Variants in AFF1 observed in about 807,000 individuals in gnomAD.
AFF1 encodes ALF transcription elongation factor 1, also known as AF4/FMR2 family member 1.
In AFF1, 48 loss-of-function variants were observed where a neutral mutation model predicts 121.7. The observed-to-expected ratio is 0.39, with a 90% confidence interval of 0.31 to 0.50. AFF1 has a LOEUF of 0.50. Ranked by LOEUF, AFF1 falls within the 20% of genes least tolerant of loss-of-function variation. The probability of loss-of-function intolerance (pLI) is 0.76; values close to 1 mark genes in which losing one functional copy is unlikely to be tolerated. For synonymous variants in AFF1, 613 were observed against 563.0 expected (o/e 1.09, Z -1.26); for missense variants, 1,523 against 1,511.7 (o/e 1.01, Z -0.12).
chr4:87,013,307 T>G (rs1726986601), intron 2 of AFF1, among the ~76,000 whole-genome samples: 1 of 152,174 alleles, frequency 6.6e-6, no homozygotes, highest in Non-Finnish European at 1.5e-5. Context: ...CCCAAAGTGC[T>G]GGGATTACAG....
intron 2 of AFF1, among the ~76,000 whole-genome samples, chr4:86,997,489 G>T (rs1006465245): frequency 5.3e-5 from 8 of 152,128 alleles, no homozygotes; most frequent in Non-Finnish European, 8.8e-5. Context: ...TGGGCTGGGC[G>T]CAGTGGCTCA....
intron 6 of AFF1, 67 bp from the exon 7 acceptor site, chr4:87,091,726 A>G: frequency 4.5e-6 from 5 of 1,106,194 alleles, no homozygotes; most frequent in Non-Finnish European, 6.5e-6. Flanking sequence ...TAAAAGCTCA[A>G]CGGTTTTCTC....
chr4:86,938,791 G>T (rs1422331829), intron 1 of AFF1, among the ~76,000 whole-genome samples: 1 of 152,206 alleles, frequency 6.6e-6, no homozygotes, highest in Admixed American at 6.5e-5. Context: ...TTATAGACTT[G>T]ACACCATGAG....
chr4:86,989,833 A>G (rs1220356668), intron 2 of AFF1, among the ~76,000 whole-genome samples: 1 of 152,230 alleles, frequency 6.6e-6, no homozygotes, highest in African/African-American at 2.4e-5. Context: ...ATACCATGGA[A>G]TACTATGCAG....
chr4:87,027,469 T>C (rs1447950204), intron 2 of AFF1, among the ~76,000 whole-genome samples: 1 of 152,248 alleles, frequency 6.6e-6, no homozygotes, highest in Non-Finnish European at 1.5e-5. Flanking sequence ...GATAAATTTG[T>C]GCTTCCAAAT....
intron 2 of AFF1, among the ~76,000 whole-genome samples, chr4:86,983,941 G>T (rs1447275225): frequency 6.7e-6 from 1 of 149,712 alleles, no homozygotes; most frequent in Non-Finnish European, 1.5e-5. Context: ...GGAGGCTGAG[G>T]CAGGAGAATG....
At chr4:87,063,228 CTTT>C (rs569577993) in intron 4 of AFF1, among the ~76,000 whole-genome samples, 349 of 44,368 alleles carry the variant, frequency 7.9e-3, no homozygotes, top group Non-Finnish European at 0.011. Flanking sequence ...AGATTCACCT[CTTT>C]TTTTTTTTTT....
chr4:87,013,735 C>T (rs1224955249), intron 2 of AFF1, among the ~76,000 whole-genome samples: 1 of 147,632 alleles, frequency 6.8e-6, no homozygotes, highest in Non-Finnish European at 1.5e-5. Context: ...AAGTAAAAGG[C>T]TATTTTAGGG....
intron 2 of AFF1, chr4:86,950,076 CG>C (rs1358974847): frequency 1.2e-6 from 2 of 1,613,916 alleles, no homozygotes; most frequent in African/African-American, 2.7e-5. Context: ...GCCATCCACG[CG>C]GCGAAGCCCC....
At chr4:87,071,599 T>G (rs1162260007) in intron 4 of AFF1, among the ~76,000 whole-genome samples, 1 of 152,150 alleles carries the variant, frequency 6.6e-6, no homozygotes, top group Admixed American at 6.5e-5. Flanking sequence ...GGCTCCAGGA[T>G]TGTTCTCCCA....
At chr4:86,995,486 A>AT (rs1305906026) in intron 2 of AFF1, among the ~76,000 whole-genome samples, 1 of 151,218 alleles carries the variant, frequency 6.6e-6, no homozygotes. Flanking sequence ...TGGTTTTCGT[A>AT]TTTTTTTGGT....
chr4:87,089,368 A>C (rs1442791946), intron 5 of AFF1, among the ~76,000 whole-genome samples: 1 of 152,340 alleles, frequency 6.6e-6, no homozygotes, highest in East Asian at 1.9e-4. Context: ...TCTTTCCTTC[A>C]ACTGAGAAAA....
At chr4:86,966,224 C>T (rs1239322308) in intron 2 of AFF1, among the ~76,000 whole-genome samples, 1 of 152,142 alleles carries the variant, frequency 6.6e-6, no homozygotes, top group Non-Finnish European at 1.5e-5. Flanking sequence ...AAATGCTCAG[C>T]ACCTACTGTG....
At chr4:87,054,644 A>G (rs1269599303) in intron 4 of AFF1, among the ~76,000 whole-genome samples, 1 of 152,250 alleles carries the variant, frequency 6.6e-6, no homozygotes, top group African/African-American at 2.4e-5. Flanking sequence ...ATCTGTGTGC[A>G]GAATTCCCTG....
Position 86,983,657 on chromosome 4 carries a change from C to T in AFF1, c.38+35086C>T, listed in dbSNP as rs191458701. Among the ~76,000 whole-genome samples, 122 of 151,004 alleles carry T rather than the reference C, an allele frequency of 8.1e-4. 1 individual carries two copies. The highest frequency in any genetic ancestry group is 2.8e-3 in the African/African-American group (113 of 41,074). Reference sequence around the variant, plus strand: ...CCCGGAGGTGGAGGTTGCATTGATCCGAGATGGCGCCTCTGCACTCTAGCC... The same window carrying T: ...CCCGGAGGTGGAGGTTGCATTGATCTGAGATGGCGCCTCTGCACTCTAGCC... On this transcript the variant is annotated intron_variant, in intron 2 of 20. Transcript: ENST00000395146.
At chr4:87,016,657 C>T (rs926932991) in intron 2 of AFF1, among the ~76,000 whole-genome samples, 1 of 152,026 alleles carries the variant, frequency 6.6e-6, no homozygotes, top group Non-Finnish European at 1.5e-5. Flanking sequence ...CTGAATGGAG[C>T]GACCAGTTTT....
At chr4:87,069,816 ATTTTTTTTT>A (rs751029258) in intron 4 of AFF1, among the ~76,000 whole-genome samples, 1 of 121,306 alleles carries the variant, frequency 8.2e-6, no homozygotes, top group Non-Finnish European at 1.7e-5. Context: ...ATCACTCAGG[ATTTTTTTTT>A]TTTTTTTTTT....
At chr4:87,057,163 GA>G (rs74774826) in intron 4 of AFF1, among the ~76,000 whole-genome samples, 9,425 of 152,188 alleles carry the variant, frequency 0.062, 612 homozygotes, top group African/African-American at 0.15. Context: ...CTTAGGAAGA[GA>G]AAAGACATAG....
chr4:86,981,804 A>G (rs1474296265), intron 2 of AFF1, among the ~76,000 whole-genome samples: 2 of 152,240 alleles, frequency 1.3e-5, no homozygotes, highest in East Asian at 3.8e-4. Context: ...CACTTTATAA[A>G]TAACAGACGT....
Sources: gnomAD v4.1 joint callset for allele counts (sites outside exome capture counted in the v4.1 genomes callset) on GRCh38, gnomAD v4.1.1 for gene constraint, MANE v1.5 for transcripts, NCBI Gene and HGNC (gene_info 2026-07-23, HGNC 2026-07-21) for gene names.